Variants in HHAT observed in about 807,000 individuals in gnomAD.
The protein encoded by HHAT is protein-cysteine N-palmitoyltransferase HHAT.
A neutral mutation model predicts 70.8 loss-of-function variants in HHAT; 47 were observed. The observed-to-expected ratio is 0.66, with a 90% CI of 0.53 to 0.85. HHAT has a LOEUF of 0.85. Among genes scored for constraint, HHAT ranks in the 40% least tolerant of loss-of-function variants. The probability of loss-of-function intolerance (pLI) is 0.00; values close to 1 mark genes in which losing one functional copy is unlikely to be tolerated. For missense variants in HHAT, 609 were observed against 604.8 expected, an observed-to-expected ratio of 1.01 and a Z score of -0.07; for synonymous variants, 228 against 247.6, an observed-to-expected ratio of 0.92 and a Z score of 0.74.
intron 2 of HHAT, among the ~76,000 whole-genome samples, chr1:210,359,572 C>T (rs1182587525): frequency 2.6e-5 from 4 of 152,194 alleles, no homozygotes; most frequent in Admixed American, 1.3e-4. Flanking sequence ...CCTATGATTT[C>T]ATCTCCGACC....
chr1:210,491,135 G>A (rs1407476522), intron 8 of HHAT, among the ~76,000 whole-genome samples: 1 of 151,814 alleles, frequency 6.6e-6, no homozygotes, highest in African/African-American at 2.4e-5. Flanking sequence ...GAGGGGCAGT[G>A]ATTTATGTGC....
intron 6 of HHAT, among the ~76,000 whole-genome samples, chr1:210,413,632 G>A (rs993509357): frequency 3.9e-5 from 6 of 152,130 alleles, no homozygotes; most frequent in African/African-American, 1.4e-4. Flanking sequence ...CAAAACACTA[G>A]GATACGAACA....
At chr1:210,522,416 T>C (rs528336792) in intron 9 of HHAT, among the ~76,000 whole-genome samples, 29 of 152,336 alleles carry the variant, frequency 1.9e-4, no homozygotes, top group Admixed American at 1.2e-3. Context: ...GTGAAGAACA[T>C]GTAAGTGAAG....
rs59554789 is a variant in HHAT, at chr1:210,394,229, C to CTTTTT, written c.274-6208_274-6204dup. On this transcript the variant is annotated intron_variant, in intron 4 of 11. Transcript: ENST00000261458. ...TTTTATTTTCAAAAGCATGATCTAT[C>CTTTTT]TTTTTTTTTTTTTTTTTTTTTTTTT... Among the ~76,000 whole-genome samples the CTTTTT allele has an allele frequency of 2.6e-3, 299 of 116,160 alleles. 14 individuals are homozygous for CTTTTT. Among genetic ancestry groups the CTTTTT allele is most frequent in the Middle Eastern group, 5.5e-3 (1 of 182 alleles). 76.2% of individuals were successfully genotyped at this position (116,160 alleles called of 152,430 possible). A position where few individuals can be genotyped will look rare whatever the true frequency, so the allele number is the denominator to read the frequency against.
At chr1:210,602,404 C>T (rs988695262) in intron 10 of HHAT, among the ~76,000 whole-genome samples, 6 of 152,078 alleles carry the variant, frequency 3.9e-5, no homozygotes, top group African/African-American at 1.4e-4. Context: ...GAATAGCACA[C>T]TGGAGAATCA....
intron 8 of HHAT, among the ~76,000 whole-genome samples, chr1:210,498,509 G>A (rs574345651): frequency 6.6e-6 from 1 of 152,216 alleles, no homozygotes; most frequent in Admixed American, 6.5e-5. Flanking sequence ...AACACTGAAT[G>A]CCCCTTTATG....
At chr1:210,493,753 C>T (rs12143482) in intron 8 of HHAT, among the ~76,000 whole-genome samples, 18,260 of 152,078 alleles carry the variant, frequency 0.12, 1,421 homozygotes, top group South Asian at 0.24. Flanking sequence ...TCAAGGCGGC[C>T]CATTTGGTTA....
chr1:210,397,457 G>A (rs1299942948), intron 4 of HHAT, among the ~76,000 whole-genome samples: 1 of 151,764 alleles, frequency 6.6e-6, no homozygotes, highest in African/African-American at 2.4e-5. Flanking sequence ...ACCAAATCTT[G>A]TATGTCTGCT....
intron 7 of HHAT, among the ~76,000 whole-genome samples, chr1:210,463,842 A>G (rs904553003): frequency 9.2e-5 from 14 of 152,194 alleles, no homozygotes; most frequent in African/African-American, 3.1e-4. Context: ...GATTCTAGTT[A>G]TCCTAATGGG....
At chr1:210,633,451 C>T (rs1047156261) in intron 11 of HHAT, among the ~76,000 whole-genome samples, 2 of 152,196 alleles carry the variant, frequency 1.3e-5, no homozygotes, top group African/African-American at 4.8e-5. Flanking sequence ...CCTTCTGGTT[C>T]CTGGAGAGCC....
At chr1:210,536,366 T>C (rs1357234653) in intron 9 of HHAT, among the ~76,000 whole-genome samples, 1 of 152,234 alleles carries the variant, frequency 6.6e-6, no homozygotes, top group African/African-American at 2.4e-5. Context: ...GTACTGAACT[T>C]TCTTTGTCTG....
intron 8 of HHAT, among the ~76,000 whole-genome samples, chr1:210,466,558 G>A (rs2094113034): frequency 6.6e-6 from 1 of 152,180 alleles, no homozygotes; most frequent in African/African-American, 2.4e-5. Flanking sequence ...TACTCAGTGT[G>A]AATGCTTGTA....
In HHAT at chr1:210,647,130, G is replaced by A. The variant is rs1206062468; in HGVS notation, c.1390+23460G>A. On this transcript the variant is annotated intron_variant, in intron 11 of 11. Coordinates refer to ENST00000261458, the MANE Select transcript of HHAT (RefSeq NM_018194.6). ...AGCGTCAGAAGCGCATTCTCTCTTC[G>A]AGACTTGGTAGAATCCTGCCTTGAC... is the stretch of plus-strand genomic sequence containing the variant. 2.6e-5 allele frequency among the ~76,000 whole-genome samples: 4 copies of A among 152,128 alleles called. No homozygotes were observed. In the East Asian group the frequency reaches 7.7e-4, roughly 29 times the overall value.
At chr1:210,518,481 G>A (rs911186404) in intron 9 of HHAT, among the ~76,000 whole-genome samples, 3 of 152,156 alleles carry the variant, frequency 2.0e-5, no homozygotes, top group Non-Finnish European at 2.9e-5. Flanking sequence ...ATATAGAGAT[G>A]AATCTCTAAA....
chr1:210,340,280 G>C (rs965911487), intron 1 of HHAT, among the ~76,000 whole-genome samples: 1 of 149,304 alleles, frequency 6.7e-6, no homozygotes, highest in African/African-American at 2.5e-5. Context: ...ACTCAAGTGG[G>C]GTTTGGAGAG....
chr1:210,404,605 A>C lies in HHAT; in HGVS notation c.610A>C (p.Met204Leu), dbSNP rs769770820. 20 of 1,614,050 alleles carry C rather than the reference A, an allele frequency of 1.2e-5. No individual in the cohort carries two copies. Among genetic ancestry groups the C allele is most frequent in the Non-Finnish European group, 1.7e-5 (20 of 1,180,016 alleles). Residue 204 changes from methionine to leucine, a missense_variant, in exon 6 of 12, where the codon ATG becomes CTG. Physicochemically the swap from Met to Leu is conservative, Grantham distance 15. Coordinates refer to ENST00000261458, the MANE Select transcript of HHAT (RefSeq NM_018194.6). ...ATCGACCTCCTACTCCTTTCCCTGG[A>C]TGCTGGCCTATGTCTTTTATTATCC... ...AASTSYSFPW[M>L]LAYVFYYPVL... is the part of the protein sequence containing the mutation.
intron 6 of HHAT, among the ~76,000 whole-genome samples, chr1:210,406,552 C>T (rs1457303049): frequency 1.3e-5 from 2 of 152,140 alleles, no homozygotes; most frequent in East Asian, 3.9e-4. Flanking sequence ...ACCAGCAAGT[C>T]CAGCTAATTT....
intron 11 of HHAT, among the ~76,000 whole-genome samples, chr1:210,662,842 G>A (rs2148964315): frequency 6.6e-6 from 1 of 152,216 alleles, no homozygotes; most frequent in Admixed American, 6.5e-5. Flanking sequence ...GATGAAAAAT[G>A]CAGTAGAAGT....
At chr1:210,483,760 C>G (rs1413558367) in intron 8 of HHAT, among the ~76,000 whole-genome samples, 2 of 152,124 alleles carry the variant, frequency 1.3e-5, no homozygotes. Context: ...GACTGTTTAT[C>G]TCCTCATGGG....
Sources: gnomAD v4.1 joint callset for allele counts (sites outside exome capture counted in the v4.1 genomes callset) on GRCh38, gnomAD v4.1.1 for gene constraint, MANE v1.5 for transcripts, NCBI Gene and HGNC (gene_info 2026-07-23, HGNC 2026-07-21) for gene names.